The following CFAP47 variants were observed in gnomAD, a reference collection of about 807,000 sequenced individuals.
CFAP47 encodes cilia- and flagella-associated protein 47.
Under a neutral mutation model 148.1 loss-of-function variants are expected in CFAP47, and 29 were observed. The observed-to-expected ratio is 0.20, with a 90% CI of 0.15 to 0.27. The LOEUF (loss-of-function observed/expected upper bound fraction) is 0.27, where lower values mean the gene tolerates loss of function less well. Among genes scored for constraint, CFAP47 ranks in the 10% least tolerant of loss-of-function variants. The pLI is 1.00. For missense variants in CFAP47, 1,872 were observed against 1,697.5 expected (o/e 1.10, Z -1.81); for synonymous variants, 664 against 577.3 (o/e 1.15, Z -2.15).
At chrX:36,359,912 A>G (rs1291869369) in intron 60 of CFAP47, among the ~76,000 whole-genome samples, 1 of 110,508 alleles carries the variant, frequency 9.0e-6, no homozygotes, top group Admixed American at 9.7e-5. Context: ...CACCATGCCC[A>G]GCTAATTTTT....
intron 15 of CFAP47, among the ~76,000 whole-genome samples, chrX:35,978,128 T>C (rs1039063358): frequency 1.8e-5 from 2 of 112,192 alleles, no homozygotes; most frequent in Non-Finnish European, 3.8e-5. Context: ...TTAAGATATT[T>C]TAGATAAACC....
At position 36,073,219 on chromosome X, in the gene CFAP47, A is replaced by G; in HGVS notation, c.4546A>G (p.Lys1516Glu). The change falls in exon 29 of 64, where the codon AAA becomes GAA. Residue 1516 changes from lysine (K) to glutamate (E), a missense_variant. Lys to Glu is a moderately conservative substitution (Grantham distance 56). Transcript: ENST00000378653. Reference protein sequence around the residue: ...EEDHGSLEKEKYEQFLSLEEG... With the variant: ...EEDHGSLEKEEYEQFLSLEEG... ...AGATCATGGGTCTCTGGAAAAGGAA[A>G]AATATGAACAATTCCTTTCTCTTGA... 8.3e-7 allele frequency: 1 copy of G among 1,209,583 alleles called. No individual in the cohort carries two copies. The highest frequency in any genetic ancestry group is 1.8e-5 in the South Asian group (1 of 56,939).
rs112574642 is a variant in CFAP47 at position 36,348,051 on chromosome X, A to G, written c.8444-78A>G. The G allele has an allele frequency of 0.014, 7,012 of 516,175 alleles. 323 individuals carry two copies. In the African/African-American group the frequency reaches 0.14, roughly 10 times the overall value. 42.5% of individuals were successfully genotyped at this position (516,175 alleles called of 1,213,427 possible). On this transcript the variant is annotated intron_variant, in intron 57 of 63. Coordinates refer to ENST00000378653, the MANE Select transcript of CFAP47 (RefSeq NM_001304548.2). ...AAAATTGATAATCAGTAATCAAATT[A>G]GGTGTTTACCTTCTCCTGTTAAAAT...
chrX:36,178,475 GGT>G (rs1016217302), intron 39 of CFAP47, among the ~76,000 whole-genome samples: 6 of 110,303 alleles, frequency 5.4e-5, no homozygotes, highest in African/African-American at 6.6e-5. Flanking sequence ...TGTGTTTGTG[GGT>G]GTGTGTGTGT....
intron 8 of CFAP47, among the ~76,000 whole-genome samples, chrX:35,961,192 G>A (rs1378608665): frequency 1.8e-5 from 2 of 111,915 alleles, no homozygotes; most frequent in Non-Finnish European, 3.8e-5. Flanking sequence ...CTTGTACATA[G>A]TATATAATCT....
At position 36,310,873 on chromosome X, in the gene CFAP47, T is replaced by A; in HGVS notation, c.8228T>A (p.Phe2743Tyr). Residue 2743 changes from phenylalanine (F) to tyrosine (Y), a missense_variant, in exon 56 of 64, where the codon TTT becomes TAT. Coordinates refer to ENST00000378653, the MANE Select transcript of CFAP47 (RefSeq NM_001304548.2). The part of the protein sequence containing the change: ...WKFYLSGVGL[F>Y]PQPLDTERIT... ...TTCTACTTATCTGGAGTAGGACTAT[T>A]TCCCCAGCCTCTAGACACGGAAAGA... The A allele has an allele frequency of 8.7e-7, 1 of 1,149,462 alleles. No homozygotes were observed. Among genetic ancestry groups the A allele is most frequent in the Non-Finnish European group, 1.2e-6 (1 of 859,286 alleles). The allele number at this position is 1,149,462 out of a possible 1,213,427, so 94.7% of individuals were successfully genotyped here.
chrX:36,112,560 A>T (rs1199563559), intron 33 of CFAP47, among the ~76,000 whole-genome samples: 4 of 111,737 alleles, frequency 3.6e-5, no homozygotes, highest in Non-Finnish European at 7.5e-5. Context: ...TGTGGCAATT[A>T]GAAGAATGTA....
intron 35 of CFAP47, among the ~76,000 whole-genome samples, chrX:36,141,517 C>A (rs897584719): frequency 9.0e-6 from 1 of 110,989 alleles, no homozygotes; most frequent in African/African-American, 3.3e-5. Flanking sequence ...TCAGCTTCAA[C>A]CTCCTCTGAA....
At chrX:35,945,878 T>TC (rs1936078167) in intron 3 of CFAP47, among the ~76,000 whole-genome samples, 1 of 100,680 alleles carries the variant, frequency 9.9e-6, no homozygotes, top group Non-Finnish European at 2.0e-5. Context: ...TCTCTTTTTT[T>TC]TTTTTTTTTT....
intron 33 of CFAP47, among the ~76,000 whole-genome samples, chrX:36,114,052 T>C (rs998515694): frequency 2.4e-4 from 27 of 111,001 alleles, no homozygotes; most frequent in African/African-American, 7.9e-4. Flanking sequence ...CCTCGTGATC[T>C]GCCCGCCTTG....
intron 42 of CFAP47, among the ~76,000 whole-genome samples, chrX:36,195,103 C>G (rs144631658): frequency 0.014 from 1,556 of 113,029 alleles, 23 homozygotes; most frequent in African/African-American, 0.048. Context: ...AAGGCATACT[C>G]TTTGCTAGTA....
At chrX:36,242,622 AAAAT>A (rs1940559383) in intron 48 of CFAP47, among the ~76,000 whole-genome samples, 1 of 112,108 alleles carries the variant, frequency 8.9e-6, no homozygotes, top group African/African-American at 3.2e-5. Context: ...CAGTCAGACA[AAAAT>A]AAAGTAAAAA....
intron 62 of CFAP47, chrX:36,375,072 A>G (rs782783843): frequency 2.4e-6 from 1 of 414,698 alleles, no homozygotes; most frequent in South Asian, 2.7e-5. Context: ...CATCACACTG[A>G]GAAGCTGGAT....
chrX:36,152,057 C>T (rs775641369), intron 37 of CFAP47, among the ~76,000 whole-genome samples: 3 of 110,727 alleles, frequency 2.7e-5, no homozygotes, highest in African/African-American at 6.6e-5. Context: ...ATGATCTAAT[C>T]ACTCCCCAAA....
At chrX:36,160,935 A>G (rs1602019491) in intron 39 of CFAP47, among the ~76,000 whole-genome samples, 166 bp downstream of exon 39, 1 of 100,390 alleles carries the variant, frequency 1.0e-5, no homozygotes, top group African/African-American at 3.8e-5. Flanking sequence ...TGCAGCCTCC[A>G]CCTTCCAGGT....
In CFAP47 at chrX:36,306,812, T is replaced by C; in HGVS notation, c.8123T>C (p.Leu2708Pro). ...CACTCCACCACAGAATTACCTGTTC[T>C]CTTTTATCCTTCTGCACTTGGAAGA... ...SPHSTTELPV[L>P]FYPSALGRAD... Residue 2708 changes from leucine to proline, a missense_variant, in exon 55 of 64, where the codon CTC becomes CCC. Physicochemically the swap from Leu to Pro is moderately conservative, Grantham distance 98 (BLOSUM62 -3). Coordinates refer to ENST00000378653, the MANE Select transcript of CFAP47 (RefSeq NM_001304548.2). 1 of 1,161,610 alleles carries C rather than the reference T, an allele frequency of 8.6e-7. No homozygotes were observed. The highest frequency in any genetic ancestry group is 1.2e-6 in the Non-Finnish European group (1 of 868,472).
intron 63 of CFAP47, among the ~76,000 whole-genome samples, chrX:36,381,874 T>G (rs1368248549): frequency 9.1e-6 from 1 of 110,225 alleles, no homozygotes; most frequent in African/African-American, 3.3e-5. Context: ...ATGATAGTGA[T>G]TTCATTGATA....
At chrX:36,097,103 A>G (rs1309107432) in intron 30 of CFAP47, among the ~76,000 whole-genome samples, 2 of 111,861 alleles carry the variant, frequency 1.8e-5, no homozygotes, top group East Asian at 2.8e-4. Context: ...AAGCAAACAA[A>G]AAAGAAACAA....
At position 36,192,351 on chromosome X, in the gene CFAP47, T is replaced by C. The variant is rs782172421; in HGVS notation, c.6321+2155T>C. Among the ~76,000 whole-genome samples, 268 of 111,127 alleles carry C rather than the reference T, an allele frequency of 2.4e-3. 2 individuals carry two copies. Among genetic ancestry groups the C allele is most frequent in the Non-Finnish European group, 3.7e-3 (198 of 53,054 alleles). ...AATTTCAAGCAGAATCAGTGTCCAGTCCCTGGTGAATTGTACCTTTTAGGA... is the reference window on the plus strand; with the variant it reads ...AATTTCAAGCAGAATCAGTGTCCAGCCCCTGGTGAATTGTACCTTTTAGGA... On this transcript the variant is annotated intron_variant, in intron 42 of 63. Coordinates refer to ENST00000378653, the MANE Select transcript of CFAP47 (RefSeq NM_001304548.2).
Sources: gnomAD v4.1 joint callset for allele counts (sites outside exome capture counted in the v4.1 genomes callset) on GRCh38, gnomAD v4.1.1 for gene constraint, MANE v1.5 for transcripts, NCBI Gene and HGNC (gene_info 2026-07-23, HGNC 2026-07-21) for gene names.